CLASP2: variants seen among roughly 807,000 people sequenced by gnomAD.
CLASP2 encodes CLIP-associating protein 2.
In CLASP2, 47 loss-of-function variants were observed where a neutral mutation model predicts 194.4. The observed-to-expected ratio is 0.24, with a 90% CI of 0.19 to 0.31. The LOEUF is 0.31. Among genes scored for constraint, CLASP2 ranks in the 10% least tolerant of loss-of-function variants. The pLI, the probability that CLASP2 is intolerant of heterozygous loss-of-function variation, is 1.00. For synonymous variants in CLASP2, 619 were observed against 633.5 expected (o/e 0.98, Z 0.34); for missense variants, 1,445 against 1,823.6 (o/e 0.79, Z 3.78).
chr3:33,678,045 G>A (rs1367282314), intron 6 of CLASP2, among the ~76,000 whole-genome samples: 1 of 149,970 alleles, frequency 6.7e-6, no homozygotes, highest in Non-Finnish European at 1.5e-5. Context: ...AATCTCAATA[G>A]AATTCTCCAA....
Position 33,583,882 on chromosome 3 carries a change from T to C in CLASP2, c.2239+868A>G, listed in dbSNP as rs569300464. Among the ~76,000 whole-genome samples, 4 of 152,110 alleles carry C rather than the reference T, an allele frequency of 2.6e-5. No individual in the cohort carries two copies. The South Asian group carries it at 8.3e-4, about 32-fold the overall frequency. On this transcript the variant is annotated intron_variant, in intron 22 of 38. Coordinates refer to ENST00000682230, the MANE Select transcript of CLASP2 (RefSeq NM_001365631.1). ...TATCCTAAGGACAAAGTCAGCAACA[T>C]GGTTGATAAAGCAGAAAAGAAGGAA...
intron 7 of CLASP2, among the ~76,000 whole-genome samples, chr3:33,653,568 G>A (rs2083594605): frequency 9.3e-6 from 1 of 106,974 alleles, no homozygotes; most frequent in Non-Finnish European, 1.8e-5. Flanking sequence ...GAGAAAATGT[G>A]AACACATTTG....
rs187513592 is a variant in CLASP2 at position 33,597,797 on chromosome 3, G to C, written c.1925-1063C>G. On this transcript the variant is annotated intron_variant, in intron 18 of 38. Transcript: ENST00000682230. Reference sequence around the variant, plus strand: ...TAACAGAGTCTCGCCCTGTCACCCAGGCTGGAGTGCAATGGCACAATCTCA... The same window carrying C: ...TAACAGAGTCTCGCCCTGTCACCCACGCTGGAGTGCAATGGCACAATCTCA... Among the ~76,000 whole-genome samples, 195 of 150,332 alleles carry C rather than the reference G, an allele frequency of 1.3e-3. 2 individuals carry two copies. The highest frequency in any genetic ancestry group is 4.5e-3 in the African/African-American group (186 of 40,890).
intron 6 of CLASP2, chr3:33,683,520 A>C (rs1174247401): frequency 1.3e-5 from 2 of 152,220 alleles, no homozygotes; most frequent in Non-Finnish European, 2.9e-5. Flanking sequence ...AGGTGAGAGG[A>C]TGGCTTCAGC....
At chr3:33,504,416 A>C (rs1355383502) in intron 37 of CLASP2, 1 of 152,168 alleles carries the variant, frequency 6.6e-6, no homozygotes, top group Non-Finnish European at 1.5e-5. Flanking sequence ...TTAGCCAGTG[A>C]CCTGACAGAG....
At chr3:33,551,496 T>A (rs2059997474) in intron 29 of CLASP2, 101 bp from the exon 30 acceptor site, 8 of 1,228,806 alleles carry the variant, frequency 6.5e-6, no homozygotes, top group African/African-American at 4.6e-5. Context: ...ATTTTTTTTT[T>A]TATATACAGA....
intron 37 of CLASP2, among the ~76,000 whole-genome samples, chr3:33,506,490 A>G (rs1334630233): frequency 6.7e-6 from 1 of 149,530 alleles, no homozygotes; most frequent in African/African-American, 2.5e-5. Context: ...TTTTTCTTTC[A>G]TTAAGTACTC....
At chr3:33,713,660 C>A (rs1260410289) in intron 1 of CLASP2, among the ~76,000 whole-genome samples, 1 of 152,038 alleles carries the variant, frequency 6.6e-6, no homozygotes, top group African/African-American at 2.4e-5. Context: ...CATAGCGCTA[C>A]ATAGTTATAA....
chr3:33,584,327 G>C (rs1201650951), intron 22 of CLASP2, among the ~76,000 whole-genome samples: 1 of 149,350 alleles, frequency 6.7e-6, no homozygotes, highest in African/African-American at 2.5e-5. Flanking sequence ...GCCCAGGCTG[G>C]AGTGCAGTGT....
chr3:33,634,072 C>T (rs186641460), intron 8 of CLASP2, among the ~76,000 whole-genome samples: 7 of 152,042 alleles, frequency 4.6e-5, no homozygotes, highest in Admixed American at 1.3e-4. Flanking sequence ...CTGCACAACT[C>T]CAAAGACAGA....
intron 12 of CLASP2, among the ~76,000 whole-genome samples, chr3:33,617,705 G>A (rs1559400654): frequency 6.6e-6 from 1 of 151,660 alleles, no homozygotes; most frequent in East Asian, 1.9e-4. Flanking sequence ...GATCTTAGAA[G>A]TGAGAAAAAA....
In CLASP2 at chr3:33,596,698, AG is replaced by A; in HGVS notation, c.1948+12del. 6.4e-7 allele frequency: 1 copy of A among 1,558,528 alleles called. No individual in the cohort carries two copies. The highest frequency in any genetic ancestry group is 1.4e-5 in the African/African-American group (1 of 73,596). ...TAAAAATCTTTAGTAGAATTAGGAAAGGAAGTTCTTACCATCCAGCTTGTCA... is the reference window on the plus strand; with the variant it reads ...TAAAAATCTTTAGTAGAATTAGGAAAGAAGTTCTTACCATCCAGCTTGTCA... On this transcript the variant is annotated intron_variant, in intron 19 of 38. Transcript: ENST00000682230.
chr3:33,620,363 G>GT (rs1313189170), intron 11 of CLASP2, among the ~76,000 whole-genome samples: 1 of 152,056 alleles, frequency 6.6e-6, no homozygotes, highest in Non-Finnish European at 1.5e-5. Flanking sequence ...GACTTTCATT[G>GT]TATGATTTTA....
At chr3:33,545,945 T>C (rs149279803) in intron 30 of CLASP2, among the ~76,000 whole-genome samples, 1 of 152,144 alleles carries the variant, frequency 6.6e-6, no homozygotes, top group East Asian at 1.9e-4. Flanking sequence ...GCACATTTTG[T>C]TAAAAACAAA....
chr3:33,638,702 T>G (rs577299757), intron 8 of CLASP2, among the ~76,000 whole-genome samples: 3 of 152,354 alleles, frequency 2.0e-5, no homozygotes, highest in Non-Finnish European at 4.4e-5. Context: ...ATGTCCTTTA[T>G]AGAAACAATG....
intron 28 of CLASP2, 40 bp downstream of exon 28, chr3:33,560,768 T>A: frequency 6.4e-7 from 1 of 1,569,654 alleles, no homozygotes. Context: ...TATTCCTAGT[T>A]ATTATCAGGT....
chr3:33,659,048 A>G (rs377197096), intron 7 of CLASP2: 2 of 1,532,654 alleles, frequency 1.3e-6, no homozygotes, highest in Non-Finnish European at 1.7e-6. Context: ...AAATAAGTAC[A>G]GCTCAGTGCC....
At position 33,603,129 on chromosome 3, in the gene CLASP2, C is replaced by G. The variant is rs150978672; in HGVS notation, c.1751-4G>C. On this transcript the variant is annotated splice_region_variant and splice_polypyrimidine_tract_variant and intron_variant, in intron 17 of 38. Coordinates refer to ENST00000682230, the MANE Select transcript of CLASP2 (RefSeq NM_001365631.1). ...GCTTTGCTGCTGCCTGCTGATACTACGAAATACAAAGCAAAGATAACTTAT... is the reference window on the plus strand; with the variant it reads ...GCTTTGCTGCTGCCTGCTGATACTAGGAAATACAAAGCAAAGATAACTTAT... 6.4e-7 allele frequency: 1 copy of G among 1,558,260 alleles called. No individual in the cohort carries two copies. Among genetic ancestry groups the G allele is most frequent in the African/African-American group, 1.4e-5 (1 of 73,314 alleles).
At chr3:33,689,955 A>G in intron 2 of CLASP2, 23 bp from the exon 3 acceptor site, 2 of 1,465,828 alleles carry the variant, frequency 1.4e-6, no homozygotes, top group Non-Finnish European at 1.8e-6. Context: ...AGGGAGTAAA[A>G]GAGTAATTAC....
Sources: gnomAD v4.1 joint callset for allele counts (sites outside exome capture counted in the v4.1 genomes callset) on GRCh38, gnomAD v4.1.1 for gene constraint, MANE v1.5 for transcripts, NCBI Gene and HGNC (gene_info 2026-07-23, HGNC 2026-07-21) for gene names.